LRRIQ1: variants seen among roughly 807,000 people sequenced by gnomAD.
The protein encoded by LRRIQ1 is leucine-rich repeat- and IQ domain-containing protein 1.
A neutral mutation model predicts 211.9 loss-of-function variants in LRRIQ1; 210 were observed. That is an observed-to-expected ratio of 0.99 (90% CI 0.89 to 1.11). The LOEUF (loss-of-function observed/expected upper bound fraction) is 1.11, where lower values mean the gene tolerates loss of function less well. LRRIQ1 is among the 50% of genes most tolerant of loss of function. The pLI, the probability that LRRIQ1 is intolerant of heterozygous loss-of-function variation, is 0.00. For missense variants in LRRIQ1, 2,136 were observed against 1,939.5 expected (o/e 1.10, Z -1.90); for synonymous variants, 699 against 650.1 (o/e 1.08, Z -1.14).
chr12:85,075,072 C>G (rs1202801656), intron 11 of LRRIQ1, among the ~76,000 whole-genome samples: 1 of 152,042 alleles, frequency 6.6e-6, no homozygotes, highest in Non-Finnish European at 1.5e-5. Flanking sequence ...TAATAGATAG[C>G]TTTCTTACCA....
Position 85,106,552 on chromosome 12 carries a change from C to T in LRRIQ1, c.3314C>T (p.Ala1105Val), listed in dbSNP as rs755879125. 13 of 1,611,210 alleles carry T rather than the reference C, an allele frequency of 8.1e-6. No individual in the cohort carries two copies. In the South Asian group the frequency reaches 1.3e-4, roughly 16 times the overall value. The part of the protein sequence containing the change: ...DLKSAIKWFD[A>V]CYSLHELSLT... ...AAAAGTGCCATAAAATGGTTTGATG[C>T]ATGCTATTCTCTCCATGAATTGTCT... is the stretch of plus-strand genomic sequence containing the variant. The change falls in exon 15 of 27, where the codon GCA becomes GTA. Residue 1105 changes from alanine to valine, a missense_variant. Transcript: ENST00000393217.
intron 1 of LRRIQ1, among the ~76,000 whole-genome samples, chr12:85,258,438 A>G (rs968925799): frequency 2.6e-5 from 4 of 151,936 alleles, no homozygotes; most frequent in Non-Finnish European, 5.9e-5. Context: ...AACAAGAAAA[A>G]TCACAATATT....
At chr12:85,162,708 T>G in intron 24 of LRRIQ1, 1 of 451,384 alleles carries the variant, frequency 2.2e-6, no homozygotes, top group Non-Finnish European at 4.4e-6. Flanking sequence ...TATAAAACAT[T>G]TCCACATAAG....
chr12:85,128,565 A>T (rs1214224081), intron 18 of LRRIQ1, among the ~76,000 whole-genome samples: 1 of 152,190 alleles, frequency 6.6e-6, no homozygotes, highest in Admixed American at 6.5e-5. Flanking sequence ...ATACCACTGC[A>T]CACTAGCCTG....
At chr12:85,078,159 T>C (rs1289034080) in intron 11 of LRRIQ1, among the ~76,000 whole-genome samples, 1 of 152,166 alleles carries the variant, frequency 6.6e-6, no homozygotes, top group Non-Finnish European at 1.5e-5. Context: ...TCCTTTAATG[T>C]TTGACTCAAA....
intron 1 of LRRIQ1, among the ~76,000 whole-genome samples, chr12:85,255,820 G>A (rs1054610080): frequency 2.6e-5 from 4 of 151,512 alleles, no homozygotes; most frequent in Admixed American, 2.0e-4. Flanking sequence ...ATTAATTACA[G>A]AAAAACATTA....
chr12:85,186,893 T>G (rs1170769819), intron 24 of LRRIQ1, among the ~76,000 whole-genome samples: 1 of 152,120 alleles, frequency 6.6e-6, no homozygotes. Context: ...TGGCATAATT[T>G]GATAATGATA....
At chr12:85,207,496 G>GTCTTTCAC (rs1893617968) in intron 24 of LRRIQ1, among the ~76,000 whole-genome samples, 1 of 152,100 alleles carries the variant, frequency 6.6e-6, no homozygotes, top group Non-Finnish European at 1.5e-5. Context: ...TTCTTTTGAT[G>GTCTTTCAC]TCTTTCACAC....
At chr12:85,212,827 G>A (rs1893902489) in intron 24 of LRRIQ1, among the ~76,000 whole-genome samples, 1 of 150,062 alleles carries the variant, frequency 6.7e-6, no homozygotes, top group Admixed American at 6.7e-5. Flanking sequence ...GAGAGAGAGA[G>A]AGGGTTCTAG....
intron 26 of LRRIQ1, among the ~76,000 whole-genome samples, chr12:85,235,788 AAATCTCATCC>A (rs1187312190): frequency 6.6e-6 from 1 of 152,178 alleles, no homozygotes; most frequent in African/African-American, 2.4e-5. Context: ...ACATTAGAAG[AAATCTCATCC>A]AATATTACAA....
At chr12:85,124,838 T>A (rs886738929) in intron 17 of LRRIQ1, 5 of 237,176 alleles carry the variant, frequency 2.1e-5, no homozygotes, top group Non-Finnish European at 4.1e-5. Flanking sequence ...AGTCTAAAAA[T>A]AATAAAAACA....
At position 85,192,660 on chromosome 12, in the gene LRRIQ1, A is replaced by AAT. The variant is rs564222943; in HGVS notation, c.4822+31952_4822+31953dup. On this transcript the variant is annotated intron_variant, in intron 24 of 26. Transcript: ENST00000393217. ...TATATAGTTATATACTATAATTATA[A>AAT]ATATATAGTTATATACTATAATTAT... 1.6e-3 allele frequency among the ~76,000 whole-genome samples: 87 copies of AAT among 55,770 alleles called. 4 individuals are homozygous for AAT. Among genetic ancestry groups the AAT allele is most frequent in the East Asian group, 0.013 (30 of 2,376 alleles). The allele number at this position is 55,770 out of a possible 152,430, so 36.6% of individuals were successfully genotyped here. A position where few individuals can be genotyped will look rare whatever the true frequency, so the allele number is the denominator to read the frequency against.
chr12:85,082,979 T>A (rs1390889585), intron 11 of LRRIQ1, among the ~76,000 whole-genome samples: 1 of 152,186 alleles, frequency 6.6e-6, no homozygotes, highest in Non-Finnish European at 1.5e-5. Context: ...TCTGAGCAAA[T>A]CTGAGCTACA....
intron 24 of LRRIQ1, among the ~76,000 whole-genome samples, chr12:85,220,742 C>T (rs1420387905): frequency 6.6e-6 from 1 of 151,038 alleles, no homozygotes; most frequent in Non-Finnish European, 1.5e-5. Flanking sequence ...GTACTGCACC[C>T]ATTAACTCGT....
intron 11 of LRRIQ1, among the ~76,000 whole-genome samples, chr12:85,091,363 T>G (rs1885372764): frequency 6.6e-6 from 1 of 152,202 alleles, no homozygotes; most frequent in African/African-American, 2.4e-5. Flanking sequence ...TTTGTTGAAT[T>G]GTTTAAAAAT....
intron 11 of LRRIQ1, among the ~76,000 whole-genome samples, chr12:85,097,338 T>TAGCAG (rs1282259953): frequency 6.6e-6 from 1 of 151,914 alleles, no homozygotes; most frequent in African/African-American, 2.4e-5. Context: ...GAGAGAGAAA[T>TAGCAG]AGCAGGGGGA....
chr12:85,193,087 A>C (rs1436843011), intron 24 of LRRIQ1, among the ~76,000 whole-genome samples: 1 of 119,454 alleles, frequency 8.4e-6, no homozygotes, highest in Non-Finnish European at 1.6e-5. Flanking sequence ...ATTATATATA[A>C]TTATATATAT....
chr12:85,103,564 G>C (rs1479818294), intron 13 of LRRIQ1, among the ~76,000 whole-genome samples: 1 of 151,550 alleles, frequency 6.6e-6, no homozygotes, highest in African/African-American at 2.4e-5. Flanking sequence ...TTTTTCATTT[G>C]TACCTTAAAA....
At chr12:85,086,548 C>G (rs941865642) in intron 11 of LRRIQ1, among the ~76,000 whole-genome samples, 1 of 152,036 alleles carries the variant, frequency 6.6e-6, no homozygotes, top group Non-Finnish European at 1.5e-5. Context: ...TCCTGTAAAG[C>G]CTGGAGAATA....
Sources: allele counts gnomAD v4.1 joint callset (sites outside exome capture counted in the v4.1 genomes callset), GRCh38; gene constraint gnomAD v4.1.1; transcripts MANE v1.5; gene names NCBI Gene and HGNC (gene_info 2026-07-23, HGNC 2026-07-21).